The following B3GNT4 variants were observed in gnomAD, a reference collection of about 807,000 sequenced individuals.
The protein encoded by B3GNT4 is N-acetyllactosaminide beta-1,3-N-acetylglucosaminyltransferase 4.
Under a neutral mutation model 2.7 loss-of-function variants are expected in B3GNT4, and 2 were observed. That is an observed-to-expected ratio of 0.73 (90% CI 0.30 to 2.31). The LOEUF (loss-of-function observed/expected upper bound fraction) is 2.31, where lower values mean the gene tolerates loss of function less well. Among genes scored for constraint, B3GNT4 ranks in the 30% most tolerant of loss-of-function variants. B3GNT4 has a pLI of 0.12. For synonymous variants in B3GNT4, 280 were observed against 203.4 expected, an observed-to-expected ratio of 1.38 and a Z score of -3.20; for missense variants, 708 against 490.9, an observed-to-expected ratio of 1.44 and a Z score of -4.18.
At chr12:122,204,354 G>C (rs1953886837) in intron 1 of B3GNT4, among the ~76,000 whole-genome samples, 168 bp from the exon 2 acceptor site, 1 of 151,738 alleles carries the variant, frequency 6.6e-6, no homozygotes, top group African/African-American at 2.4e-5. Context: ...TCGGAGGGCG[G>C]CGGGGCGAGG....
In B3GNT4 at chr12:122,208,363, G is replaced by T; in HGVS notation, c.*975G>T. 1 of 1,610,978 alleles carries T rather than the reference G, an allele frequency of 6.2e-7. No individual in the cohort carries two copies. The highest frequency in any genetic ancestry group is 1.3e-5 in the African/African-American group (1 of 74,986). On this transcript the variant is annotated 3_prime_UTR_variant, in exon 3 of 3. Coordinates refer to ENST00000324189, the MANE Select transcript of B3GNT4 (RefSeq NM_030765.4). ...CTTTCCCCACTGAGTGGGGAGACAG[G>T]GCAGTGTGCTCAGGCCCTCAATCCT...
At position 122,204,533 on chromosome 12, in the gene B3GNT4, C is replaced by A. The variant is rs986695715; in HGVS notation, c.-86C>A. On this transcript the variant is annotated 5_prime_UTR_variant, in exon 2 of 3. Transcript: ENST00000324189. ...CCTCTCGTCCACAGCCCGCGGTGCTCGCACACCTGAGACTCATCTCGCTTC... is the reference window on the plus strand; with the variant it reads ...CCTCTCGTCCACAGCCCGCGGTGCTAGCACACCTGAGACTCATCTCGCTTC... The A allele has an allele frequency of 7.2e-5, 86 of 1,186,386 alleles. No individual in the cohort carries two copies. The highest frequency in any genetic ancestry group is 1.0e-4 in the Non-Finnish European group (83 of 811,296). The allele number at this position is 1,186,386 out of a possible 1,614,324, so 73.5% of individuals were successfully genotyped here.
Position 122,207,097 on chromosome 12 carries a change from C to T in B3GNT4, c.846C>T (p.Val282=), listed in dbSNP as rs1455427528. 5.0e-6 allele frequency: 8 copies of T among 1,614,006 alleles called. No homozygotes were observed. The highest frequency in any genetic ancestry group is 6.8e-6 in the Non-Finnish European group (8 of 1,180,016). The change falls in exon 3 of 3, where the codon GTC becomes GTT. Residue 282 remains valine, a synonymous_variant. Coordinates refer to ENST00000324189, the MANE Select transcript of B3GNT4 (RefSeq NM_030765.4). ...CCTATGCTGGTGGGGGAGGATATGT[C>T]ATGTCCAGAGCCACAGTGCGGCGCC... The part of the protein sequence containing the change: ...YPPYAGGGGY[V]MSRATVRRLQ...
At position 122,206,303 on chromosome 12, in the gene B3GNT4, G is replaced by T; in HGVS notation, c.67-15G>T. The T allele has an allele frequency of 6.5e-7, 1 of 1,535,040 alleles. No individual in the cohort carries two copies. Among genetic ancestry groups the T allele is most frequent in the Non-Finnish European group, 8.8e-7 (1 of 1,142,114 alleles). On this transcript the variant is annotated splice_polypyrimidine_tract_variant and intron_variant, in intron 2 of 2. Coordinates refer to ENST00000324189, the MANE Select transcript of B3GNT4 (RefSeq NM_030765.4). Reference sequence around the variant, plus strand: ...CCCGGGGCTGGGCCCTGCTCAGGTGGCTCTCTCCTTGCAGGGACCGGCGAT... The same window carrying T: ...CCCGGGGCTGGGCCCTGCTCAGGTGTCTCTCTCCTTGCAGGGACCGGCGAT...
In B3GNT4 at chr12:122,207,299, C is replaced by A. The variant is rs146739121; in HGVS notation, c.1048C>A (p.Arg350Ser). ...CLYRGLLLVHRLSPLEMWTMW... is the reference protein window; with the variant it reads ...CLYRGLLLVHSLSPLEMWTMW... ...GTATAGGGGGCTCCTGCTGGTTCAC[C>A]GCCTCAGCCCCCTCGAGATGTGGAC... Residue 350 changes from arginine (R) to serine (S), a missense_variant, in exon 3 of 3, where the codon CGC becomes AGC. By Grantham distance (110) the Arg-to-Ser change is moderately radical. Transcript: ENST00000324189. 2 of 1,613,608 alleles carry A rather than the reference C, an allele frequency of 1.2e-6. No homozygotes were observed. Among genetic ancestry groups the A allele is most frequent in the East Asian group, 4.5e-5 (2 of 44,874 alleles).
In B3GNT4 at chr12:122,206,604, C is replaced by T. The variant is rs763369984; in HGVS notation, c.353C>T (p.Thr118Ile). Residue 118 changes from threonine (T) to isoleucine (I), a missense_variant, in exon 3 of 3, where the codon ACC becomes ATC. Thr to Ile is a moderately conservative substitution (Grantham distance 89). Coordinates refer to ENST00000324189, the MANE Select transcript of B3GNT4 (RefSeq NM_030765.4). ...LLEPSGCSKD[T>I]FLLLAIKSQP... ...GAGCCTTCAGGCTGTTCCAAGGATA[C>T]CTTCTTGCTCCTGGCCATCAAGTCA... 6.2e-7 allele frequency: 1 copy of T among 1,614,172 alleles called. No individual in the cohort carries two copies. Among genetic ancestry groups the T allele is most frequent in the Non-Finnish European group, 8.5e-7 (1 of 1,180,042 alleles).
chr12:122,204,804 C>A, intron 2 of B3GNT4, 120 bp downstream of exon 2: 1 of 836,384 alleles, frequency 1.2e-6, no homozygotes, highest in Non-Finnish European at 1.9e-6. Flanking sequence ...CTTTGGGAGG[C>A]CAAGGCGGGA....
chr12:122,206,766 C>T lies in B3GNT4; in HGVS notation c.515C>T (p.Ala172Val). ...TCCGCTCCCCCAGCCCAGCTGCTGGCCTATGAGAGTAGGGAGTTTGATGAC... is the reference window on the plus strand; with the variant it reads ...TCCGCTCCCCCAGCCCAGCTGCTGGTCTATGAGAGTAGGGAGTTTGATGAC... Reference protein sequence around the residue: ...AGSAPPAQLLAYESREFDDIL... With the variant: ...AGSAPPAQLLVYESREFDDIL... The change falls in exon 3 of 3, where the codon GCC becomes GTC. Residue 172 changes from alanine to valine, a missense_variant. Coordinates refer to ENST00000324189, the MANE Select transcript of B3GNT4 (RefSeq NM_030765.4). The T allele has an allele frequency of 6.2e-7, 1 of 1,606,534 alleles. No individual in the cohort carries two copies. Among genetic ancestry groups the T allele is most frequent in the Non-Finnish European group, 8.5e-7 (1 of 1,175,862 alleles).
In B3GNT4 at chr12:122,207,846, T is replaced by C. The variant is rs563814221; in HGVS notation, c.*458T>C. The C allele has an allele frequency of 6.5e-6, 3 of 460,552 alleles. No individual in the cohort carries two copies. The highest frequency in any genetic ancestry group is 4.6e-5 in the South Asian group (3 of 64,528). The allele number at this position is 460,552 out of a possible 1,614,324, so 28.5% of individuals were successfully genotyped here. ...TCTGCACCCCTTCTCTTAGTAGTAA[T>C]AGGTTTTTCACTCCTTGGCCTCAGC... On this transcript the variant is annotated 3_prime_UTR_variant, in exon 3 of 3. Transcript: ENST00000324189.
At chr12:122,204,711 G>C (rs1228596383) in intron 2 of B3GNT4, 27 bp downstream of exon 2, 2 of 1,577,310 alleles carry the variant, frequency 1.3e-6, no homozygotes, top group African/African-American at 2.7e-5. Context: ...GCCTCTGCCA[G>C]ACCCCCTTGT....
At position 122,207,337 on chromosome 12, in the gene B3GNT4, G is replaced by A. The variant is rs1235350121; in HGVS notation, c.1086G>A (p.Leu362=). Residue 362 remains leucine (L), a synonymous_variant, in exon 3 of 3, where the codon CTG becomes CTA. Coordinates refer to ENST00000324189, the MANE Select transcript of B3GNT4 (RefSeq NM_030765.4). The part of the protein sequence containing the change: ...SPLEMWTMWA[L]VTDEGLKCAA... ...TCGAGATGTGGACCATGTGGGCACT[G>A]GTGACAGATGAGGGGCTCAAGTGTG... 1 of 1,606,144 alleles carries A rather than the reference G, an allele frequency of 6.2e-7. No individual in the cohort carries two copies. The highest frequency in any genetic ancestry group is 8.5e-7 in the Non-Finnish European group (1 of 1,175,554).
chr12:122,204,963 C>A, intron 2 of B3GNT4: 1 of 462,116 alleles, frequency 2.2e-6, no homozygotes, highest in Non-Finnish European at 3.9e-6. Flanking sequence ...CCAGGAGTTC[C>A]AGGCTGCAGT....
Position 122,207,132 on chromosome 12 carries a change from T to C in B3GNT4, c.881T>C (p.Ile294Thr). ...GCCACAGTGCGGCGCCTCCAGGCTA[T>C]CATGGAAGATGCTGAACTCTTCCCC... is the stretch of plus-strand genomic sequence containing the variant. The part of the protein sequence containing the change: ...SRATVRRLQA[I>T]MEDAELFPID... The change falls in exon 3 of 3, where the codon ATC (isoleucine) becomes ACC (threonine). Residue 294 changes from isoleucine to threonine, a missense_variant. Transcript: ENST00000324189. The C allele has an allele frequency of 1.2e-6, 2 of 1,614,140 alleles. No homozygotes were observed. Among genetic ancestry groups the C allele is most frequent in the Non-Finnish European group, 1.7e-6 (2 of 1,180,012 alleles).
chr12:122,204,052 C>A (rs1351591051), intron 1 of B3GNT4, among the ~76,000 whole-genome samples: 3 of 152,000 alleles, frequency 2.0e-5, no homozygotes, highest in African/African-American at 7.2e-5. Context: ...CGCGGTAGAC[C>A]CCGCCAGCCT....
intron 1 of B3GNT4, among the ~76,000 whole-genome samples, chr12:122,204,254 G>T (rs953596913): frequency 1.3e-5 from 2 of 151,978 alleles, no homozygotes; most frequent in Non-Finnish European, 2.9e-5. Context: ...TGCCGCCCAA[G>T]GCCGAGCGCA....
Position 122,206,619 on chromosome 12 carries a change from C to T in B3GNT4, c.368C>T (p.Ala123Val), listed in dbSNP as rs1340150788. 1.2e-6 allele frequency: 2 copies of T among 1,613,982 alleles called. No individual in the cohort carries two copies. The highest frequency in any genetic ancestry group is 2.2e-5 in the East Asian group (1 of 44,890). The change falls in exon 3 of 3, where the codon GCC becomes GTC. Residue 123 changes from alanine (A) to valine (V), a missense_variant. Ala to Val is a moderately conservative substitution (Grantham distance 64). Coordinates refer to ENST00000324189, the MANE Select transcript of B3GNT4 (RefSeq NM_030765.4). The part of the protein sequence containing the change: ...GCSKDTFLLL[A>V]IKSQPGHVER... ...TCCAAGGATACCTTCTTGCTCCTGG[C>T]CATCAAGTCACAGCCTGGTCACGTG...
Position 122,208,871 on chromosome 12 carries a change from TTTGA to T in B3GNT4, c.*1486_*1489del, listed in dbSNP as rs532505904. On this transcript the variant is annotated 3_prime_UTR_variant, in exon 3 of 3. Transcript: ENST00000324189. The stretch of plus-strand genomic sequence containing the variant: ...AGCTACAGAGCTTTTAGTACAGACC[TTTGA>T]TTAATTTTTTTAACTACACATCTTC... 183 of 460,150 alleles carry T rather than the reference TTTGA, an allele frequency of 4.0e-4. No homozygotes were observed. The highest frequency in any genetic ancestry group is 1.1e-3 in the Middle Eastern group (3 of 2,802). The allele number at this position is 460,150 out of a possible 1,614,324, so 28.5% of individuals were successfully genotyped here. A position where few individuals can be genotyped will look rare whatever the true frequency, so the allele number is the denominator to read the frequency against.
chr12:122,206,582 C>A lies in B3GNT4; in HGVS notation c.331C>A (p.Pro111Thr), dbSNP rs766639674. Residue 111 changes from proline to threonine, a missense_variant, in exon 3 of 3, where the codon CCT (proline) becomes ACT (threonine). Transcript: ENST00000324189. ...CCGAAATTTCTCTATCTTGCTGGAG[C>A]CTTCAGGCTGTTCCAAGGATACCTT... ...HCRNFSILLE[P>T]SGCSKDTFLL... 1.9e-6 allele frequency: 3 copies of A among 1,614,078 alleles called. No homozygotes were observed. Among genetic ancestry groups the A allele is most frequent in the African/African-American group, 1.3e-5 (1 of 74,948 alleles).
In B3GNT4 at chr12:122,207,274, G is replaced by A. The variant is rs760183433; in HGVS notation, c.1023G>A (p.Leu341=). 5.6e-6 allele frequency: 9 copies of A among 1,613,974 alleles called. No homozygotes were observed. In the Admixed American group the frequency reaches 1.3e-4, roughly 24 times the overall value. The part of the protein sequence containing the change: ...RRPLDPLDPC[L]YRGLLLVHRL... ...CCCTGGACCCCTTAGACCCCTGCCTGTATAGGGGGCTCCTGCTGGTTCACC... is the reference window on the plus strand; with the variant it reads ...CCCTGGACCCCTTAGACCCCTGCCTATATAGGGGGCTCCTGCTGGTTCACC... The change falls in exon 3 of 3, where the codon CTG becomes CTA. Residue 341 remains leucine, a synonymous_variant. Coordinates refer to ENST00000324189, the MANE Select transcript of B3GNT4 (RefSeq NM_030765.4).
Sources: gnomAD v4.1 joint callset for allele counts (sites outside exome capture counted in the v4.1 genomes callset) on GRCh38, gnomAD v4.1.1 for gene constraint, MANE v1.5 for transcripts, NCBI Gene and HGNC (gene_info 2026-07-23, HGNC 2026-07-21) for gene names.